BRK1: variants seen among roughly 807,000 people sequenced by gnomAD.
The protein encoded by BRK1 is BRICK1 subunit of SCAR/WAVE actin nucleating complex.
BRK1 carries 6 observed loss-of-function variants against 9.9 expected under a neutral mutation model. The ratio of observed to expected loss-of-function variants is 0.60; its 90% CI spans 0.33 to 1.19. BRK1 has a LOEUF of 1.19. Among genes scored for constraint, BRK1 ranks in the 50% most tolerant of loss-of-function variants. The probability of loss-of-function intolerance (pLI) is 0.04; values close to 1 mark genes in which losing one functional copy is unlikely to be tolerated. For missense variants in BRK1, 62 were observed against 97.5 expected (o/e 0.64, Z 1.53); for synonymous variants, 44 against 31.9 (o/e 1.38, Z -1.28).
chr3:10,119,155 A>C (rs889476730), intron 1 of BRK1, among the ~76,000 whole-genome samples: 6 of 151,924 alleles, frequency 3.9e-5, no homozygotes, highest in Non-Finnish European at 8.8e-5. Context: ...AAAAAAAAAA[A>C]AAAAAAGAAT....
intron 1 of BRK1, among the ~76,000 whole-genome samples, chr3:10,123,924 G>A (rs1695800309): frequency 1.3e-5 from 2 of 150,960 alleles, no homozygotes; most frequent in African/African-American, 4.9e-5. Context: ...TAGTAGAGAT[G>A]GGGTTTCACC....
chr3:10,120,672 T>A (rs1430354014), intron 1 of BRK1, among the ~76,000 whole-genome samples: 2 of 152,224 alleles, frequency 1.3e-5, no homozygotes, highest in East Asian at 3.8e-4. Flanking sequence ...GCTTTCTCAG[T>A]GTTTTTTATT....
In BRK1 at chr3:10,115,731, G is replaced by C; in HGVS notation, c.30G>C (p.Arg10=). The C allele has an allele frequency of 1.9e-6, 3 of 1,613,976 alleles. No homozygotes were observed. The highest frequency in any genetic ancestry group is 2.5e-6 in the Non-Finnish European group (3 of 1,179,878). The change falls in exon 1 of 3, where the codon CGG becomes CGC. Residue 10 remains arginine, a synonymous_variant. Transcript: ENST00000530758. ...CGGGACAGGAGGATCCGGTGCAGCG[G>C]GAGATTCACCAGGACTGGGCTAACC... MAGQEDPVQ[R]EIHQDWANRE... is the part of the protein sequence containing the mutation.
intron 1 of BRK1, among the ~76,000 whole-genome samples, chr3:10,121,285 A>G (rs191218346): frequency 1.8e-3 from 279 of 152,338 alleles, no homozygotes; most frequent in Middle Eastern, 6.8e-3. Context: ...TAAGTATACT[A>G]AAAACCACTG....
intron 1 of BRK1, among the ~76,000 whole-genome samples, chr3:10,124,407 C>T (rs567354300): frequency 4.9e-4 from 75 of 152,004 alleles, no homozygotes; most frequent in African/African-American, 1.6e-3. Flanking sequence ...TGGCAGTGAG[C>T]CAAGATTGCG....
intron 1 of BRK1, among the ~76,000 whole-genome samples, chr3:10,122,165 C>T (rs1217452167): frequency 2.0e-5 from 3 of 151,732 alleles, no homozygotes; most frequent in South Asian, 4.2e-4. Context: ...TCAGGTGATC[C>T]GCCCGCCTCG....
rs372809889 is a variant in BRK1, at chr3:10,115,927, C to T, written c.118+108C>T. ...GGACTCCCGCAGCCTTCGGCTGTTG[C>T]GGGTTTTCACTTCCTCCTTCAGGTC... On this transcript the variant is annotated intron_variant, in intron 1 of 2. Transcript: ENST00000530758. 8.8e-5 allele frequency: 74 copies of T among 836,386 alleles called. 1 individual carries two copies. The highest frequency in any genetic ancestry group is 6.8e-4 in the East Asian group (26 of 38,142). 51.8% of individuals were successfully genotyped at this position (836,386 alleles called of 1,614,324 possible).
intron 2 of BRK1, among the ~76,000 whole-genome samples, chr3:10,126,063 C>G (rs1695835332): frequency 6.6e-6 from 1 of 152,092 alleles, no homozygotes; most frequent in Non-Finnish European, 1.5e-5. Context: ...TGCACTCCAG[C>G]CTGGGTGGCA....
intron 1 of BRK1, among the ~76,000 whole-genome samples, chr3:10,116,555 T>C (rs1695686704): frequency 6.6e-6 from 1 of 152,154 alleles, no homozygotes. Flanking sequence ...AGCCTTAAAT[T>C]CTTCCTTATG....
chr3:10,125,237 G>C (rs1241117644), intron 1 of BRK1, among the ~76,000 whole-genome samples: 1 of 152,060 alleles, frequency 6.6e-6, no homozygotes, highest in Non-Finnish European at 1.5e-5. Context: ...TTAAGTAGCT[G>C]GGATTACAGG....
At chr3:10,116,864 T>G (rs1472365965) in intron 1 of BRK1, among the ~76,000 whole-genome samples, 2 of 152,228 alleles carry the variant, frequency 1.3e-5, no homozygotes, top group African/African-American at 4.8e-5. Flanking sequence ...AAAGAAGTTC[T>G]AATCTTGAAG....
intron 1 of BRK1, among the ~76,000 whole-genome samples, chr3:10,121,504 A>C (rs1695755406): frequency 6.6e-6 from 1 of 151,850 alleles, no homozygotes. Context: ...ATAGAGTTAC[A>C]CTAGAGTCAA....
rs546079992 is a variant in BRK1, at chr3:10,120,199, C to CT, written c.118+4393dup. 0.17 allele frequency among the ~76,000 whole-genome samples: 24,037 copies of CT among 143,624 alleles called. 2,415 individuals carry two copies. Among genetic ancestry groups the CT allele is most frequent in the African/African-American group, 0.3 (11,661 of 39,376 alleles). 94.2% of individuals were successfully genotyped at this position (143,624 alleles called of 152,430 possible). On this transcript the variant is annotated intron_variant, in intron 1 of 2. Transcript: ENST00000530758. ...CATGCGCCACCACGCCTGGCTAATT[C>CT]TTTTTTTTTTTTTAAGATGGAGTCT... is the stretch of plus-strand genomic sequence containing the variant.
intron 1 of BRK1, among the ~76,000 whole-genome samples, chr3:10,123,429 C>T (rs1695785170): frequency 7.0e-6 from 1 of 142,058 alleles, no homozygotes; most frequent in Non-Finnish European, 1.5e-5. Context: ...TTGGCCTCTA[C>T]TTTCTTTCCT....
At chr3:10,116,111 GTTC>G (rs1695682067) in intron 1 of BRK1, among the ~76,000 whole-genome samples, 1 of 152,106 alleles carries the variant, frequency 6.6e-6, no homozygotes, top group East Asian at 1.9e-4. Flanking sequence ...TCGCTCCGTG[GTTC>G]TTCTCCTAAG....
chr3:10,118,424 C>G (rs1181533045), intron 1 of BRK1, among the ~76,000 whole-genome samples: 1 of 152,014 alleles, frequency 6.6e-6, no homozygotes, highest in African/African-American at 2.4e-5. Flanking sequence ...CATCCTAAGC[C>G]ATTAGTAGGC....
At chr3:10,118,118 T>C (rs528159071) in intron 1 of BRK1, among the ~76,000 whole-genome samples, 2 of 152,146 alleles carry the variant, frequency 1.3e-5, no homozygotes, top group South Asian at 4.2e-4. Context: ...CTGGGCATGG[T>C]GTTGCACACC....
Position 10,126,629 on chromosome 3 carries a change from C to T in BRK1, c.*334C>T, listed in dbSNP as rs768841577. 2.3e-4 allele frequency: 59 copies of T among 254,832 alleles called. No individual in the cohort carries two copies. Among genetic ancestry groups the T allele is most frequent in the South Asian group, 7.7e-4 (11 of 14,254 alleles). 15.8% of individuals were successfully genotyped at this position (254,832 alleles called of 1,614,324 possible). A position where few individuals can be genotyped will look rare whatever the true frequency, so the allele number is the denominator to read the frequency against. On this transcript the variant is annotated 3_prime_UTR_variant, in exon 3 of 3. Transcript: ENST00000530758. Reference sequence around the variant, plus strand: ...TCCTCACCTCTATCTTTCTTTCTCTCTCTCTCAAACTTTCCTTAAAGTTCT... The same window carrying T: ...TCCTCACCTCTATCTTTCTTTCTCTTTCTCTCAAACTTTCCTTAAAGTTCT...
chr3:10,115,715 A>G lies in BRK1; in HGVS notation c.14A>G (p.Glu5Gly). Residue 5 changes from glutamate to glycine, a missense_variant, in exon 1 of 3, where the codon GAG becomes GGG. By Grantham distance (98) the Glu-to-Gly change is moderately conservative. Transcript: ENST00000530758. ...CAGGCGGCGGCCATGGCGGGACAGG[A>G]GGATCCGGTGCAGCGGGAGATTCAC... Reference protein sequence around the residue: MAGQEDPVQREIHQD... With the variant: MAGQGDPVQREIHQD... The G allele has an allele frequency of 6.2e-7, 1 of 1,611,940 alleles. No individual in the cohort carries two copies. Among genetic ancestry groups the G allele is most frequent in the Non-Finnish European group, 8.5e-7 (1 of 1,178,790 alleles).
Sources: gnomAD v4.1 joint callset for allele counts (sites outside exome capture counted in the v4.1 genomes callset) on GRCh38, gnomAD v4.1.1 for gene constraint, MANE v1.5 for transcripts, NCBI Gene and HGNC (gene_info 2026-07-23, HGNC 2026-07-21) for gene names.